The following CEP83 variants were observed in gnomAD, a reference collection of about 807,000 sequenced individuals.
The protein encoded by CEP83 is centrosomal protein 83.
Under a neutral mutation model 101.9 loss-of-function variants are expected in CEP83, and 70 were observed. The observed-to-expected ratio is 0.69, with a 90% confidence interval of 0.57 to 0.84. The LOEUF (loss-of-function observed/expected upper bound fraction) is 0.84. Ranked by LOEUF, CEP83 falls within the 40% of genes least tolerant of loss-of-function variation. The pLI is 0.00. For synonymous variants in CEP83, 264 were observed against 267.9 expected, an observed-to-expected ratio of 0.99 and a Z score of 0.14; for missense variants, 715 against 787.2, an observed-to-expected ratio of 0.91 and a Z score of 1.10.
chr12:94,393,678 C>T (rs563644705), intron 6 of CEP83, among the ~76,000 whole-genome samples: 70 of 152,326 alleles, frequency 4.6e-4, no homozygotes, highest in African/African-American at 1.6e-3. Flanking sequence ...ATGAGGAAGT[C>T]AAATTGTCCC....
intron 14 of CEP83, among the ~76,000 whole-genome samples, chr12:94,314,453 TATAC>T (rs1970347873): frequency 1.3e-5 from 2 of 152,368 alleles, no homozygotes; most frequent in African/African-American, 2.4e-5. Context: ...TTGAACCTCA[TATAC>T]ATACAATCAT....
chr12:94,308,720 CAG>C lies in CEP83; in HGVS notation c.*91_*92del, dbSNP rs1168541090. 7 of 816,746 alleles carry C rather than the reference CAG, an allele frequency of 8.6e-6. No homozygotes were observed. In the East Asian group the frequency reaches 1.5e-4, roughly 17 times the overall value. 50.6% of individuals were successfully genotyped at this position (816,746 alleles called of 1,614,324 possible). A position where few individuals can be genotyped will look rare whatever the true frequency, so the allele number is the denominator to read the frequency against. ...AGGCACATTCAAGTGTTTTGGCAAA[CAG>C]TAAAAAGTATCTAAATGCCACAGGT... On this transcript the variant is annotated 3_prime_UTR_variant, in exon 17 of 17. Coordinates refer to ENST00000397809, the MANE Select transcript of CEP83 (RefSeq NM_016122.3).
intron 6 of CEP83, among the ~76,000 whole-genome samples, chr12:94,384,019 T>C (rs1442500445): frequency 6.6e-6 from 1 of 152,200 alleles, no homozygotes; most frequent in Non-Finnish European, 1.5e-5. Context: ...GGAAGTCTAT[T>C]ACATATACCC....
the CEP83 span, chr12:94,279,783 G>A: frequency 1.1e-4 from 94 of 833,420 alleles, 1 homozygote; most frequent in African/African-American, 9.7e-4. Context: ...GTTGTTCCTG[G>A]AGGGCATGTC....
chr12:94,385,934 G>A (rs1055853338), intron 6 of CEP83, among the ~76,000 whole-genome samples: 3 of 152,254 alleles, frequency 2.0e-5, no homozygotes, highest in Non-Finnish European at 2.9e-5. Context: ...AATGCCTACA[G>A]TATTCAGTAC....
chr12:94,351,721 C>G (rs953084345), intron 11 of CEP83, among the ~76,000 whole-genome samples: 1 of 152,144 alleles, frequency 6.6e-6, no homozygotes, highest in Non-Finnish European at 1.5e-5. Context: ...GAAATGCACC[C>G]CACATACCTG....
intron 1 of CEP83, among the ~76,000 whole-genome samples, chr12:94,456,739 T>C (rs887771091): frequency 7.2e-5 from 11 of 152,192 alleles, no homozygotes; most frequent in African/African-American, 2.7e-4. Flanking sequence ...GTCTCTTCCC[T>C]GACACATGGG....
downstream of CEP83, chr12:94,305,424 G>A (rs1219079593): frequency 6.6e-6 from 4 of 608,014 alleles, no homozygotes; most frequent in Non-Finnish European, 1.2e-5. Flanking sequence ...AAGAGACCAA[G>A]GCACATGCAC....
intron 11 of CEP83, among the ~76,000 whole-genome samples, chr12:94,346,023 A>C (rs2059918090): frequency 6.6e-6 from 1 of 151,952 alleles, no homozygotes; most frequent in Non-Finnish European, 1.5e-5. Flanking sequence ...TGAGCTCTGG[A>C]CCCTTGAGAT....
At chr12:94,443,265 G>T (rs2066553249) in intron 1 of CEP83, among the ~76,000 whole-genome samples, 1 of 145,300 alleles carries the variant, frequency 6.9e-6, no homozygotes, top group Admixed American at 6.9e-5. Flanking sequence ...ATTTCTCTTT[G>T]CCTTCACAAC....
At chr12:94,457,165 CTG>C (rs2067745065) in intron 1 of CEP83, among the ~76,000 whole-genome samples, 2 of 152,218 alleles carry the variant, frequency 1.3e-5, no homozygotes, top group South Asian at 4.1e-4. Flanking sequence ...AGAAACCAAT[CTG>C]GGCAGAGACA....
chr12:94,367,643 C>T, intron 11 of CEP83, 151 bp downstream of exon 11: 1 of 436,426 alleles, frequency 2.3e-6, no homozygotes, highest in Non-Finnish European at 3.9e-6. Flanking sequence ...ATTTCTTAAT[C>T]TTGATTATTA....
chr12:94,347,133 G>C (rs1033817292), intron 11 of CEP83, among the ~76,000 whole-genome samples: 4 of 149,360 alleles, frequency 2.7e-5, no homozygotes, highest in Non-Finnish European at 1.5e-5. Context: ...AAATGAAAAG[G>C]AAAGTCATAG....
At chr12:94,305,347 G>A (rs1968896643), downstream of CEP83, 2 of 916,048 alleles carry the variant, frequency 2.2e-6, no homozygotes, top group South Asian at 1.4e-5. Flanking sequence ...CAAAATGGCT[G>A]CTTGAGCTAC....
chr12:94,329,946 T>C (rs1432982129), intron 14 of CEP83, among the ~76,000 whole-genome samples: 2 of 152,100 alleles, frequency 1.3e-5, no homozygotes, highest in African/African-American at 4.8e-5. Context: ...ACCAAGAAAG[T>C]AGAGAAGGAA....
downstream of CEP83, among the ~76,000 whole-genome samples, chr12:94,302,253 T>A (rs1968543036): frequency 6.6e-6 from 1 of 152,212 alleles, no homozygotes; most frequent in South Asian, 2.1e-4. Context: ...CCCACTGTGC[T>A]ACAGCTTTTA....
At chr12:94,344,147 T>C (rs1249757008) in intron 11 of CEP83, among the ~76,000 whole-genome samples, 1 of 152,236 alleles carries the variant, frequency 6.6e-6, no homozygotes, top group Non-Finnish European at 1.5e-5. Flanking sequence ...TGTTGTTTGA[T>C]CACCCAGTCT....
At chr12:94,381,317 CTTTG>C (rs2061837459) in intron 6 of CEP83, among the ~76,000 whole-genome samples, 1 of 152,192 alleles carries the variant, frequency 6.6e-6, no homozygotes, top group Non-Finnish European at 1.5e-5. Context: ...TTCCAAAGGG[CTTTG>C]TTTAAATTTC....
At chr12:94,363,094 T>C (rs765287922) in intron 11 of CEP83, among the ~76,000 whole-genome samples, 1 of 152,234 alleles carries the variant, frequency 6.6e-6, no homozygotes, top group Non-Finnish European at 1.5e-5. Flanking sequence ...ATAGGAAGAA[T>C]AATTTCTGGT....
Sources: gnomAD v4.1 joint callset for allele counts (sites outside exome capture counted in the v4.1 genomes callset) on GRCh38, gnomAD v4.1.1 for gene constraint, MANE v1.5 for transcripts, NCBI Gene and HGNC (gene_info 2026-07-23, HGNC 2026-07-21) for gene names.